SEMA6A: variants seen among roughly 807,000 people sequenced by gnomAD.
SEMA6A encodes the protein semaphorin 6A, also known as semaphorin-6A.
In SEMA6A, 25 loss-of-function variants were observed where a neutral mutation model predicts 96.8. The ratio of observed to expected loss-of-function variants is 0.26; its 90% CI spans 0.19 to 0.36. The LOEUF (loss-of-function observed/expected upper bound fraction) is 0.36, where lower values mean the gene tolerates loss of function less well. SEMA6A is among the 10% of genes least tolerant of loss of function. SEMA6A has a pLI of 1.00. For synonymous variants in SEMA6A, 612 were observed against 518.0 expected, an observed-to-expected ratio of 1.18 and a Z score of -2.46; for missense variants, 1,363 against 1,323.1, an observed-to-expected ratio of 1.03 and a Z score of -0.47.
intron 1 of SEMA6A, among the ~76,000 whole-genome samples, chr5:116,535,220 T>C (rs1054393445): frequency 3.3e-5 from 5 of 152,114 alleles, no homozygotes; most frequent in African/African-American, 1.2e-4. Flanking sequence ...GGGGAGAGTT[T>C]TACCCAGATG....
intron 1 of SEMA6A, among the ~76,000 whole-genome samples, chr5:116,514,297 G>GT (rs1032061977): frequency 1.4e-4 from 21 of 152,044 alleles, no homozygotes; most frequent in African/African-American, 4.1e-4. Flanking sequence ...AGTATCTGTC[G>GT]TTTTTTTACT....
intron 1 of SEMA6A, chr5:116,562,481 C>T (rs542613288): frequency 2.3e-6 from 1 of 427,624 alleles, no homozygotes; most frequent in South Asian, 2.5e-5. Context: ...TGTTCTAAAA[C>T]TCATGACACA....
chr5:116,485,464 C>G (rs987916832), intron 10 of SEMA6A, among the ~76,000 whole-genome samples: 1 of 152,164 alleles, frequency 6.6e-6, no homozygotes. Context: ...GTCTAAAAAT[C>G]CCTACAGATG....
chr5:116,539,458 G>C (rs1245388779), intron 1 of SEMA6A, among the ~76,000 whole-genome samples: 1 of 152,056 alleles, frequency 6.6e-6, no homozygotes, highest in Non-Finnish European at 1.5e-5. Flanking sequence ...GAATCCTCTT[G>C]CCTCTGCAGC....
intron 18 of SEMA6A, among the ~76,000 whole-genome samples, chr5:116,467,159 C>A (rs1403576546): frequency 6.6e-6 from 1 of 152,174 alleles, no homozygotes; most frequent in African/African-American, 2.4e-5. Flanking sequence ...CTTTGTCCTG[C>A]TATTTCTCAA....
At position 116,574,735 on chromosome 5, in the gene SEMA6A, CCG is replaced by C. The variant is rs1363467810; in HGVS notation, c.-591_-590del. 6.6e-6 allele frequency: 1 copy of C among 152,384 alleles called. No homozygotes were observed. Among genetic ancestry groups the C allele is most frequent in the East Asian group, 1.9e-4 (1 of 5,186 alleles). 9.4% of individuals were successfully genotyped at this position (152,384 alleles called of 1,614,324 possible). A position where few individuals can be genotyped will look rare whatever the true frequency, so the allele number is the denominator to read the frequency against. On this transcript the variant is annotated 5_prime_UTR_variant, in exon 1 of 19. Transcript: ENST00000343348. ...GGGCGACCGGCACCGCGGAGGAGCG[CCG>C]CTGCTGGGTTCCGAGCGCCTGGGCA... is the stretch of plus-strand genomic sequence containing the variant.
Position 116,468,065 on chromosome 5 carries a change from G to A in SEMA6A, c.1730-318C>T. 9.8e-6 allele frequency: 3 copies of A among 307,340 alleles called. No individual in the cohort carries two copies. In the South Asian group the frequency reaches 1.5e-4, roughly 16 times the overall value. 19.0% of individuals were successfully genotyped at this position (307,340 alleles called of 1,614,324 possible). ...GGATAAAGATACCTCTCGGTGTTGG[G>A]AGGATAGTGACATAATGGTGAAAGC... On this transcript the variant is annotated intron_variant, in intron 17 of 18. Transcript: ENST00000343348.
intron 17 of SEMA6A, chr5:116,471,585 C>G (rs564998337): frequency 6.6e-6 from 1 of 152,252 alleles, no homozygotes; most frequent in South Asian, 2.1e-4. Context: ...AATTTTTCTT[C>G]TAGTCTTTGG....
intron 4 of SEMA6A, 116 bp downstream of exon 4, chr5:116,497,211 T>G (rs1757645730): frequency 1.6e-6 from 1 of 620,706 alleles, no homozygotes; most frequent in Non-Finnish European, 2.8e-6. Context: ...AAAATGCATG[T>G]TGGCATCTCT....
intron 3 of SEMA6A, among the ~76,000 whole-genome samples, chr5:116,500,264 T>C (rs1177944504): frequency 6.6e-6 from 1 of 152,190 alleles, no homozygotes; most frequent in East Asian, 1.9e-4. Context: ...GTATGCAGCA[T>C]AGTACAGGGA....
chr5:116,492,643 T>C (rs976550482), intron 6 of SEMA6A, among the ~76,000 whole-genome samples: 2 of 152,252 alleles, frequency 1.3e-5, no homozygotes, highest in South Asian at 2.1e-4. Flanking sequence ...CTAGATAATC[T>C]TGATAATCTA....
intron 17 of SEMA6A, chr5:116,472,596 C>T (rs921786362): frequency 9.2e-6 from 3 of 326,500 alleles, no homozygotes; most frequent in Non-Finnish European, 1.7e-5. Context: ...TGTTCAAAAG[C>T]AATTTCTTCT....
intron 15 of SEMA6A, 38 bp from the exon 16 acceptor site, chr5:116,475,641 T>C: frequency 6.9e-7 from 1 of 1,450,720 alleles, no homozygotes; most frequent in East Asian, 2.4e-5. Context: ...CAGAAATGAA[T>C]ACAATAACGT....
At chr5:116,514,887 G>A (rs1369229849) in intron 1 of SEMA6A, among the ~76,000 whole-genome samples, 5 of 152,138 alleles carry the variant, frequency 3.3e-5, no homozygotes, top group Non-Finnish European at 7.4e-5. Context: ...TCAGTGGATG[G>A]GCCCCATAGC....
intron 18 of SEMA6A, among the ~76,000 whole-genome samples, chr5:116,448,904 AT>A (rs1580436043): frequency 6.6e-6 from 1 of 152,180 alleles, no homozygotes; most frequent in East Asian, 1.9e-4. Flanking sequence ...GTTAGGTACC[AT>A]TATTGCACCT....
chr5:116,551,070 G>T (rs1051774258), intron 1 of SEMA6A, among the ~76,000 whole-genome samples: 1 of 152,106 alleles, frequency 6.6e-6, no homozygotes, highest in African/African-American at 2.4e-5. Flanking sequence ...AATAGTCTCT[G>T]TTCTTGGAGA....
At chr5:116,541,022 G>T (rs1234767463) in intron 1 of SEMA6A, among the ~76,000 whole-genome samples, 3 of 152,176 alleles carry the variant, frequency 2.0e-5, no homozygotes, top group Admixed American at 2.0e-4. Flanking sequence ...ACTTACGGGG[G>T]ATATTGTTCT....
chr5:116,477,329 C>A (rs1374721222), intron 15 of SEMA6A, among the ~76,000 whole-genome samples: 1 of 152,172 alleles, frequency 6.6e-6, no homozygotes, highest in East Asian at 1.9e-4. Context: ...TGATTGACGG[C>A]CTGATGAGTA....
At chr5:116,487,045 A>C (rs1459147598) in intron 9 of SEMA6A, 79 bp from the exon 10 acceptor site, 2 of 979,310 alleles carry the variant, frequency 2.0e-6, no homozygotes, top group East Asian at 4.8e-5. Flanking sequence ...CATTCCTTGA[A>C]AACAGAAACA....
Sources: gnomAD v4.1 joint callset for allele counts (sites outside exome capture counted in the v4.1 genomes callset) on GRCh38, gnomAD v4.1.1 for gene constraint, MANE v1.5 for transcripts, NCBI Gene and HGNC (gene_info 2026-07-23, HGNC 2026-07-21) for gene names.